The following MSR1 variants were observed in gnomAD, a reference collection of about 807,000 sequenced individuals.
MSR1 encodes macrophage scavenger receptor 1, also known as macrophage scavenger receptor types I and II.
MSR1 carries 53 observed loss-of-function variants against 47.2 expected under a neutral mutation model. That is an observed-to-expected ratio of 1.12 (90% CI 0.90 to 1.41). The LOEUF is 1.41. Ranked by LOEUF, MSR1 falls within the 40% of genes most tolerant of loss-of-function variation. MSR1 has a pLI of 0.00. For synonymous variants in MSR1, 239 were observed against 185.6 expected (o/e 1.29, Z -2.34); for missense variants, 786 against 546.9 (o/e 1.44, Z -4.36).
Position 16,143,554 on chromosome 8 carries a change from T to C in MSR1, c.1033+4A>G, listed in dbSNP as rs753213837. 1.2e-6 allele frequency: 2 copies of C among 1,610,772 alleles called. No individual in the cohort carries two copies. Among genetic ancestry groups the C allele is most frequent in the African/African-American group, 1.3e-5 (1 of 74,840 alleles). ...ACACAGAAAACAAAATACTATATAC[T>C]TACTTAATGTGTTTCCACTCCCCTT... On this transcript the variant is annotated splice_donor_region_variant and intron_variant, in intron 8 of 9. Coordinates refer to ENST00000262101, the MANE Select transcript of MSR1 (RefSeq NM_138715.3).
intron 4 of MSR1, among the ~76,000 whole-genome samples, chr8:16,166,225 C>T (rs1477849492): frequency 8.0e-6 from 1 of 125,592 alleles, no homozygotes; most frequent in African/African-American, 3.1e-5. Context: ...GGCTGGAGTG[C>T]AATGGCATGA....
intron 5 of MSR1, among the ~76,000 whole-genome samples, chr8:16,161,530 G>A (rs1801163854): frequency 6.6e-6 from 1 of 151,910 alleles, no homozygotes; most frequent in African/African-American, 2.4e-5. Flanking sequence ...AAGCTATAAA[G>A]TACAACAATA....
intron 8 of MSR1, chr8:16,139,494 G>C (rs1800472398): frequency 1.0e-6 from 1 of 984,196 alleles, no homozygotes; most frequent in Non-Finnish European, 1.2e-6. Context: ...AATCTTAATA[G>C]TATGAATCTT....
intron 8 of MSR1, chr8:16,139,763 AAAAAAAAAAAAATATATATATATATATAT>A (rs1474752298): frequency 6.1e-6 from 1 of 163,916 alleles, no homozygotes; most frequent in African/African-American, 7.7e-5. Flanking sequence ...AAAAAAAAAA[AAAAAAAAAAAAATATATATATATATATAT>A]ATATATATAT....
chr8:16,172,900 T>G (rs1340066147), intron 3 of MSR1, among the ~76,000 whole-genome samples: 4 of 152,176 alleles, frequency 2.6e-5, no homozygotes, highest in Non-Finnish European at 4.4e-5. Flanking sequence ...TCTACCATTT[T>G]AGGGATATAT....
intron 8 of MSR1, chr8:16,139,375 C>G (rs575035540): frequency 4.3e-6 from 4 of 938,816 alleles, no homozygotes; most frequent in Admixed American, 6.2e-5. Context: ...CAATATCTTA[C>G]TTGATCCTCA....
chr8:16,153,507 A>G (rs1182281304), intron 6 of MSR1, among the ~76,000 whole-genome samples: 1 of 152,040 alleles, frequency 6.6e-6, no homozygotes, highest in Non-Finnish European at 1.5e-5. Context: ...GCAACAAATT[A>G]TGACATCACT....
chr8:16,120,818 G>C (rs1227774519), intron 8 of MSR1: 2 of 617,280 alleles, frequency 3.2e-6, no homozygotes, highest in Non-Finnish European at 5.5e-6. Context: ...CAGCTGTTAA[G>C]AGCAAAATCC....
At chr8:16,153,803 G>C (rs766312098) in intron 6 of MSR1, among the ~76,000 whole-genome samples, 13 of 152,038 alleles carry the variant, frequency 8.6e-5, no homozygotes, top group African/African-American at 2.2e-4. Context: ...GACAATGGTA[G>C]TTCTGGCAGC....
At chr8:16,190,006 C>T (rs1802149533) in intron 1 of MSR1, among the ~76,000 whole-genome samples, 2 of 149,074 alleles carry the variant, frequency 1.3e-5, no homozygotes, top group African/African-American at 5.0e-5. Flanking sequence ...CCTCTGCCTC[C>T]TGGGTTCACG....
At chr8:16,113,824 A>G (rs1039579583) in intron 9 of MSR1, among the ~76,000 whole-genome samples, 5 of 152,172 alleles carry the variant, frequency 3.3e-5, no homozygotes, top group Non-Finnish European at 7.4e-5. Flanking sequence ...AGGATGTTCC[A>G]TCTGGTGGAG....
At chr8:16,139,287 C>A (rs916018656) in intron 8 of MSR1, 1 of 984,346 alleles carries the variant, frequency 1.0e-6, no homozygotes, top group African/African-American at 1.7e-5. Flanking sequence ...AAAGCTATTC[C>A]AGTTCAGAGA....
intron 2 of MSR1, among the ~76,000 whole-genome samples, chr8:16,176,607 G>A (rs542932379): frequency 7.2e-5 from 11 of 152,178 alleles, no homozygotes; most frequent in South Asian, 6.2e-4. Flanking sequence ...TGGAGATATA[G>A]TCCACCTGCC....
intron 8 of MSR1, among the ~76,000 whole-genome samples, chr8:16,133,378 G>C (rs1284169741): frequency 6.6e-6 from 1 of 152,142 alleles, no homozygotes; most frequent in Non-Finnish European, 1.5e-5. Flanking sequence ...GCCAAATGAA[G>C]ATTGTAAGGT....
intron 7 of MSR1, among the ~76,000 whole-genome samples, chr8:16,149,394 T>C (rs1466969671): frequency 6.6e-6 from 1 of 152,058 alleles, no homozygotes; most frequent in African/African-American, 2.4e-5. Flanking sequence ...TCCTTTTTTT[T>C]CTTTTTCTTA....
intron 2 of MSR1, among the ~76,000 whole-genome samples, 158 bp downstream of exon 2, chr8:16,177,728 A>C (rs1801692073): frequency 6.6e-6 from 1 of 152,146 alleles, no homozygotes; most frequent in African/African-American, 2.4e-5. Context: ...CTTTTATTTA[A>C]GCTTATTTTT....
chr8:16,186,460 C>G (rs116735772), intron 1 of MSR1, among the ~76,000 whole-genome samples: 1 of 152,084 alleles, frequency 6.6e-6, no homozygotes, highest in South Asian at 2.1e-4. Flanking sequence ...GCTTAGAATT[C>G]TAATATGGTG....
At chr8:16,163,593 C>T (rs34267366) in intron 5 of MSR1, among the ~76,000 whole-genome samples, 9,080 of 151,010 alleles carry the variant, frequency 0.06, 822 homozygotes, top group African/African-American at 0.19. Flanking sequence ...TAAGTAAGAT[C>T]CAATTCACCT....
chr8:16,175,313 A>G lies in MSR1; in HGVS notation c.104-13T>C. On this transcript the variant is annotated splice_polypyrimidine_tract_variant and intron_variant, in intron 2 of 9. Coordinates refer to ENST00000262101, the MANE Select transcript of MSR1 (RefSeq NM_138715.3). ...CTGTTTTTAGGATCTAATAAAACAA[A>G]AAAGCCCAGCCTACTGTTAGAAAGT... The G allele has an allele frequency of 6.3e-7, 1 of 1,596,594 alleles. No individual in the cohort carries two copies. The highest frequency in any genetic ancestry group is 8.6e-7 in the Non-Finnish European group (1 of 1,164,014).
Sources: allele counts gnomAD v4.1 joint callset (sites outside exome capture counted in the v4.1 genomes callset), GRCh38; gene constraint gnomAD v4.1.1; transcripts MANE v1.5; gene names NCBI Gene and HGNC (gene_info 2026-07-23, HGNC 2026-07-21).